The following ZSCAN5C variants were observed in gnomAD, a reference collection of about 807,000 sequenced individuals.
ZSCAN5C encodes zinc finger and SCAN domain-containing protein 5C.
In ZSCAN5C, 11 loss-of-function variants were observed where a neutral mutation model predicts 17.3. The ratio of observed to expected loss-of-function variants is 0.64; its 90% confidence interval spans 0.40 to 1.06. The LOEUF is 1.06. ZSCAN5C is among the 50% of genes least tolerant of loss of function. The pLI is 0.00. For missense variants in ZSCAN5C, 698 were observed against 538.9 expected, an observed-to-expected ratio of 1.30 and a Z score of -2.92; for synonymous variants, 229 against 208.4, an observed-to-expected ratio of 1.10 and a Z score of -0.85.
Position 56,208,143 on chromosome 19 carries a change from CA to C in ZSCAN5C, c.699del (p.Gly234AspfsTer59), listed in dbSNP as rs758137478. ...CTGGAGGAAGACAGGGAGGAGAACC[CA>C]GGACTTACATCCCCAGAGCCTCAGC... On this transcript the variant is annotated frameshift_variant, in exon 4 of 5. Transcript: ENST00000534327. LOFTEE classifies it low-confidence loss of function (END_TRUNC). The C allele has an allele frequency of 1.4e-5, 11 of 779,634 alleles. No individual in the cohort carries two copies. Among genetic ancestry groups the C allele is most frequent in the Admixed American group, 8.5e-5 (5 of 58,978 alleles). 48.3% of individuals were successfully genotyped at this position (779,634 alleles called of 1,614,324 possible).
At chr19:56,204,349 C>T (rs1164677108) in intron 1 of ZSCAN5C, among the ~76,000 whole-genome samples, 2 of 151,170 alleles carry the variant, frequency 1.3e-5, no homozygotes, top group African/African-American at 4.9e-5. Flanking sequence ...GCAGAGGACC[C>T]CTTTCCCCCG....
chr19:56,206,368 C>T lies in ZSCAN5C; in HGVS notation c.384+71C>T, dbSNP rs1031975719. ...GGGGGCTGCATGGTGCAGCTGGACT[C>T]GAGAGGACCCGAGGGGCTGCTCTAG... On this transcript the variant is annotated intron_variant, in intron 2 of 4. Coordinates refer to ENST00000534327, the Ensembl canonical transcript of ZSCAN5C. The T allele has an allele frequency of 7.0e-6, 10 of 1,421,808 alleles. No individual in the cohort carries two copies. In the African/African-American group the frequency reaches 9.2e-5, roughly 13 times the overall value. The allele number at this position is 1,421,808 out of a possible 1,614,324, so 88.1% of individuals were successfully genotyped here.
chr19:56,206,960 A>C (rs1244182211), intron 2 of ZSCAN5C, 99 bp from the exon 3 acceptor site: 1 of 619,892 alleles, frequency 1.6e-6, no homozygotes, highest in African/African-American at 1.8e-5. Flanking sequence ...TTTGAACATT[A>C]ATTACAGTAA....
rs1211978849 is a variant in ZSCAN5C at position 56,208,189 on chromosome 19, G to T, written c.739+5G>T. On this transcript the variant is annotated splice_donor_5th_base_variant and intron_variant, in intron 4 of 4. Transcript: ENST00000534327. ...CTCAGCTTCCAAACAGTCCCAGTAAGTATGAAGACTTACACCTGTGTGGAG... is the reference window on the plus strand; with the variant it reads ...CTCAGCTTCCAAACAGTCCCAGTAATTATGAAGACTTACACCTGTGTGGAG... 9.0e-6 allele frequency: 7 copies of T among 777,722 alleles called. No homozygotes were observed. The highest frequency in any genetic ancestry group is 1.4e-5 in the Non-Finnish European group (6 of 417,548). 48.2% of individuals were successfully genotyped at this position (777,722 alleles called of 1,614,324 possible).
chr19:56,206,045 C>T (rs555830542), exon 2 of ZSCAN5C: 12 of 1,613,294 alleles, frequency 7.4e-6, no homozygotes, highest in African/African-American at 4.0e-5. Context: ...AGACTTGTCA[C>T]GTGAACTTCA....
At chr19:56,202,728 AT>A (rs533333183) in intron 1 of ZSCAN5C, among the ~76,000 whole-genome samples, 3 of 151,668 alleles carry the variant, frequency 2.0e-5, no homozygotes, top group Non-Finnish European at 4.4e-5. Context: ...TAAATGTTTA[AT>A]TTTTTTTGTA....
At chr19:56,209,167 C>T (rs1328602569) in exon 5 of ZSCAN5C, 2 of 1,059,292 alleles carry the variant, frequency 1.9e-6, no homozygotes, top group Non-Finnish European at 2.9e-6. Flanking sequence ...TAAGACGCCA[C>T]CAGAAAACAC....
intron 2 of ZSCAN5C, among the ~76,000 whole-genome samples, 190 bp from the exon 3 acceptor site, chr19:56,206,869 C>G (rs1027425616): frequency 6.6e-6 from 1 of 151,838 alleles, no homozygotes; most frequent in African/African-American, 2.4e-5. Context: ...GAGACCCTTT[C>G]ATCTAAAGGA....
intron 1 of ZSCAN5C, among the ~76,000 whole-genome samples, chr19:56,203,323 G>A (rs534529952): frequency 6.6e-6 from 1 of 151,774 alleles, no homozygotes; most frequent in Non-Finnish European, 1.5e-5. Flanking sequence ...AAACAAGAAA[G>A]ATACGTATTT....
downstream of ZSCAN5C, chr19:56,209,261 T>C: frequency 1.6e-6 from 1 of 625,178 alleles, no homozygotes; most frequent in Non-Finnish European, 2.8e-6. Context: ...TTCACCGATG[T>C]TGTCAGATGA....
chr19:56,207,106 T>G (rs1481168899), exon 3 of ZSCAN5C: 2 of 752,688 alleles, frequency 2.7e-6, no homozygotes, highest in Non-Finnish European at 4.9e-6. Flanking sequence ...AGGAATCAGA[T>G]GTGGAGATGG....
intron 1 of ZSCAN5C, among the ~76,000 whole-genome samples, 192 bp from the exon 2 acceptor site, chr19:56,205,595 G>T (rs1280466427): frequency 6.6e-6 from 1 of 151,884 alleles, no homozygotes; most frequent in Non-Finnish European, 1.5e-5. Context: ...GAATCCAGGG[G>T]AGTATTCAGA....
exon 5 of ZSCAN5C, chr19:56,208,533 G>A: frequency 6.3e-7 from 1 of 1,588,178 alleles, no homozygotes; most frequent in Non-Finnish European, 8.6e-7. Context: ...CCTTCTGCCT[G>A]CGTTGTGGAG....
chr19:56,207,146 C>G (rs2032930929), exon 3 of ZSCAN5C: 2 of 777,790 alleles, frequency 2.6e-6, no homozygotes, highest in South Asian at 1.4e-5. Flanking sequence ...CAGAGATGAT[C>G]CGAGACACGT....
chr19:56,203,146 C>A (rs2032888191), intron 1 of ZSCAN5C, among the ~76,000 whole-genome samples: 1 of 151,852 alleles, frequency 6.6e-6, no homozygotes, highest in Non-Finnish European at 1.5e-5. Flanking sequence ...CTATGTTGCC[C>A]AGGTGGTTGT....
chr19:56,207,010 T>C lies in ZSCAN5C; in HGVS notation c.385-49T>C, dbSNP rs1034600047. ...GGCAGGACCCAGGGAATATGAGAGC[T>C]ACTTTCAGGTTCTCATAGTTAGTCT... On this transcript the variant is annotated intron_variant, in intron 2 of 4. Transcript: ENST00000534327. 2 of 683,802 alleles carry C rather than the reference T, an allele frequency of 2.9e-6. 1 individual carries two copies. The highest frequency in any genetic ancestry group is 3.5e-5 in the African/African-American group (2 of 56,526). 42.4% of individuals were successfully genotyped at this position (683,802 alleles called of 1,614,324 possible).
rs766354585 is a variant in ZSCAN5C, at chr19:56,208,730, CCAGT to C, written c.1028_1031del (p.Ser343ThrfsTer28). On this transcript the variant is annotated frameshift_variant, in exon 5 of 5. Transcript: ENST00000534327. LOFTEE classifies it low-confidence loss of function (END_TRUNC). ...AGTTCATTCCCCAGGCCCTGCGGGC[CCAGT>C]CAGTCACCCCAGTGGCCAAGAAGTC... 12 of 1,611,720 alleles carry C rather than the reference CCAGT, an allele frequency of 7.4e-6. No homozygotes were observed. In the Admixed American group the frequency reaches 1.0e-4, roughly 13 times the overall value.
intron 2 of ZSCAN5C, 40 bp from the exon 3 acceptor site, chr19:56,207,019 G>T: frequency 1.4e-6 from 1 of 691,088 alleles, no homozygotes; most frequent in Non-Finnish European, 2.7e-6. Flanking sequence ...CTACTTTCAG[G>T]TTCTCATAGT....
At chr19:56,208,640 G>A (rs768538647) in exon 5 of ZSCAN5C, 2 of 1,610,942 alleles carry the variant, frequency 1.2e-6, no homozygotes, top group Non-Finnish European at 1.7e-6. Context: ...TTCCCAAGAA[G>A]AGCCTCAAGG....
Sources: gnomAD v4.1 joint callset for allele counts (sites outside exome capture counted in the v4.1 genomes callset) on GRCh38, gnomAD v4.1.1 for gene constraint, MANE v1.5 for transcripts, NCBI Gene and HGNC (gene_info 2026-07-23, HGNC 2026-07-21) for gene names.